PPDPFL: variants seen among roughly 807,000 people sequenced by gnomAD.
PPDPFL encodes pancreatic progenitor cell differentiation and proliferation factor-like protein.
A neutral mutation model predicts 12.6 loss-of-function variants in PPDPFL; 12 were observed. That is an observed-to-expected ratio of 0.95 (90% CI 0.61 to 1.54). PPDPFL has a LOEUF of 1.54. Ranked by LOEUF, PPDPFL falls within the 40% of genes most tolerant of loss-of-function variation. The probability of loss-of-function intolerance (pLI) is 0.00; values close to 1 mark genes in which losing one functional copy is unlikely to be tolerated. For missense variants in PPDPFL, 114 were observed against 96.0 expected, an observed-to-expected ratio of 1.19 and a Z score of -0.78; for synonymous variants, 24 against 32.7, an observed-to-expected ratio of 0.73 and a Z score of 0.91.
At chr8:49,063,152 C>G (rs1808240246) in intron 1 of PPDPFL, among the ~76,000 whole-genome samples, 1 of 152,088 alleles carries the variant, frequency 6.6e-6, no homozygotes, top group Non-Finnish European at 1.5e-5. Flanking sequence ...GAGCCCTGAC[C>G]CAGGTCTGGT....
chr8:49,060,463 G>A (rs538210052), intron 1 of PPDPFL, among the ~76,000 whole-genome samples: 11 of 151,960 alleles, frequency 7.2e-5, no homozygotes, highest in South Asian at 2.1e-4. Flanking sequence ...ACAGGCATGC[G>A]GCACCACACC....
At chr8:49,056,077 T>C (rs1157904327) in intron 1 of PPDPFL, among the ~76,000 whole-genome samples, 1 of 152,172 alleles carries the variant, frequency 6.6e-6, no homozygotes. Context: ...GTCATGATTC[T>C]GTTGAAAACT....
At position 49,074,110 on chromosome 8, in the gene PPDPFL, T is replaced by C; in HGVS notation, c.107T>C (p.Phe36Ser). The C allele has an allele frequency of 6.2e-7, 1 of 1,613,142 alleles. No homozygotes were observed. The highest frequency in any genetic ancestry group is 8.5e-7 in the Non-Finnish European group (1 of 1,179,140). ...SSLTSSDSVN[F>S]IDDDKPQQGL... ...TTAACTAGCTCTGATTCTGTTAACT[T>C]CATAGATGACGACAAACCACAGCAA... is the stretch of plus-strand genomic sequence containing the variant. Residue 36 changes from phenylalanine to serine, a missense_variant, in exon 3 of 5, where the codon TTC (phenylalanine) becomes TCC (serine). By Grantham distance (155) the Phe-to-Ser change is radical. Coordinates refer to ENST00000522267, the MANE Select transcript of PPDPFL (RefSeq NM_001256597.2).
In PPDPFL at chr8:49,075,207, G is replaced by A. The variant is rs778679038; in HGVS notation, c.*34G>A. 1 of 1,613,842 alleles carries A rather than the reference G, an allele frequency of 6.2e-7. No individual in the cohort carries two copies. Among genetic ancestry groups the A allele is most frequent in the African/African-American group, 1.3e-5 (1 of 74,912 alleles). ...CTTTGCACTGCCATTTGATGAACAT[G>A]TTGGTAACGGTTGCCTGCCTTATGT... On this transcript the variant is annotated 3_prime_UTR_variant, in exon 5 of 5. Coordinates refer to ENST00000522267, the MANE Select transcript of PPDPFL (RefSeq NM_001256597.2).
Position 49,075,278 on chromosome 8 carries a change from A to C in PPDPFL, c.*105A>C. On this transcript the variant is annotated 3_prime_UTR_variant, in exon 5 of 5. Coordinates refer to ENST00000522267, the MANE Select transcript of PPDPFL (RefSeq NM_001256597.2). ...ACAATCAAGATCCTCTGCCTGCTGCAGTGGTCCATACATGAACAGCTCCCC... is the reference window on the plus strand; with the variant it reads ...ACAATCAAGATCCTCTGCCTGCTGCCGTGGTCCATACATGAACAGCTCCCC... The C allele has an allele frequency of 3.1e-6, 5 of 1,613,672 alleles. No homozygotes were observed. Among genetic ancestry groups the C allele is most frequent in the Non-Finnish European group, 4.2e-6 (5 of 1,179,572 alleles).
upstream of PPDPFL, among the ~76,000 whole-genome samples, chr8:49,069,628 C>T (rs1258615081): frequency 6.6e-6 from 1 of 152,150 alleles, no homozygotes; most frequent in Non-Finnish European, 1.5e-5. Context: ...TCAGCAACCC[C>T]ATTACTGGAC....
chr8:49,074,366 C>T (rs565253124), intron 4 of PPDPFL, 33 bp downstream of exon 4: 90 of 1,601,072 alleles, frequency 5.6e-5, no homozygotes, highest in Middle Eastern at 1.7e-4. Flanking sequence ...AAGGGCAGTT[C>T]TTACTTAGTG....
chr8:49,071,934 G>A (rs186448292), upstream of PPDPFL, among the ~76,000 whole-genome samples: 21 of 152,286 alleles, frequency 1.4e-4, no homozygotes, highest in Admixed American at 1.4e-3. Context: ...ACTCTGCCTT[G>A]CCTCACTGAA....
At chr8:49,065,867 T>C (rs1808291095) in intron 1 of PPDPFL, among the ~76,000 whole-genome samples, 1 of 152,212 alleles carries the variant, frequency 6.6e-6, no homozygotes, top group African/African-American at 2.4e-5. Flanking sequence ...CCTATTGACG[T>C]CCGAGTTGAT....
intron 1 of PPDPFL, among the ~76,000 whole-genome samples, chr8:49,062,666 G>A (rs1808231274): frequency 1.3e-5 from 2 of 152,142 alleles, no homozygotes; most frequent in Non-Finnish European, 2.9e-5. Flanking sequence ...ATCAGAAGCT[G>A]GTGAGTGCAA....
chr8:49,062,935 C>A (rs139905736), intron 1 of PPDPFL, among the ~76,000 whole-genome samples: 2 of 152,098 alleles, frequency 1.3e-5, no homozygotes, highest in Non-Finnish European at 2.9e-5. Flanking sequence ...TGGGTTCCCA[C>A]GAGTAGGGAT....
At chr8:49,065,033 C>A (rs971566506) in intron 1 of PPDPFL, among the ~76,000 whole-genome samples, 14 of 152,178 alleles carry the variant, frequency 9.2e-5, no homozygotes, top group African/African-American at 3.1e-4. Flanking sequence ...AATTATCCAA[C>A]TCACTGGGTG....
At chr8:49,060,076 A>G (rs990415159) in intron 1 of PPDPFL, among the ~76,000 whole-genome samples, 11 of 152,228 alleles carry the variant, frequency 7.2e-5, no homozygotes, top group Admixed American at 1.3e-4. Context: ...GTTGAACATT[A>G]TATCTTCAAT....
intron 1 of PPDPFL, among the ~76,000 whole-genome samples, chr8:49,064,275 A>G (rs976967259): frequency 2.0e-5 from 3 of 152,188 alleles, no homozygotes; most frequent in African/African-American, 4.8e-5. Context: ...AAGTTCAAAG[A>G]TGAAGATATG....
chr8:49,075,231 G>A lies in PPDPFL; in HGVS notation c.*58G>A. The A allele has an allele frequency of 1.2e-6, 2 of 1,613,956 alleles. No homozygotes were observed. The highest frequency in any genetic ancestry group is 1.7e-6 in the Non-Finnish European group (2 of 1,179,864). On this transcript the variant is annotated 3_prime_UTR_variant, in exon 5 of 5. Coordinates refer to ENST00000522267, the MANE Select transcript of PPDPFL (RefSeq NM_001256597.2). ...TGTTGGTAACGGTTGCCTGCCTTAT[G>A]TAGCATGAACAGTTGATTCTGACAA...
At chr8:49,069,430 TC>T (rs1808345708), upstream of PPDPFL, among the ~76,000 whole-genome samples, 1 of 152,178 alleles carries the variant, frequency 6.6e-6, no homozygotes, top group South Asian at 2.1e-4. Flanking sequence ...AGAAATTATC[TC>T]ATGACAAGGC....
chr8:49,059,036 G>A (rs1270988615), intron 1 of PPDPFL, among the ~76,000 whole-genome samples: 2 of 152,162 alleles, frequency 1.3e-5, no homozygotes, highest in South Asian at 4.1e-4. Context: ...ATTCTGGCTG[G>A]CTTTCTTAGA....
chr8:49,069,770 G>A (rs1585674586), upstream of PPDPFL, among the ~76,000 whole-genome samples: 1 of 152,046 alleles, frequency 6.6e-6, no homozygotes, highest in Non-Finnish European at 1.5e-5. Flanking sequence ...CCCCATCTCT[G>A]CTAAAAATAC....
chr8:49,065,567 G>T (rs2129244632), intron 1 of PPDPFL, among the ~76,000 whole-genome samples: 1 of 152,290 alleles, frequency 6.6e-6, no homozygotes, highest in South Asian at 2.1e-4. Context: ...TAGTAATACA[G>T]ATATGAATCA....
Sources: gnomAD v4.1 joint callset for allele counts (sites outside exome capture counted in the v4.1 genomes callset) on GRCh38, gnomAD v4.1.1 for gene constraint, MANE v1.5 for transcripts, NCBI Gene and HGNC (gene_info 2026-07-23, HGNC 2026-07-21) for gene names.